The following SPACA7 variants were observed in gnomAD, a reference collection of about 807,000 sequenced individuals.
SPACA7 encodes the protein sperm acrosome associated 7.
Under a neutral mutation model 26.3 loss-of-function variants are expected in SPACA7, and 19 were observed. That is an observed-to-expected ratio of 0.72 (90% CI 0.50 to 1.06). The LOEUF (loss-of-function observed/expected upper bound fraction) is 1.06. Ranked by LOEUF, SPACA7 falls within the 50% of genes least tolerant of loss-of-function variation. The probability of loss-of-function intolerance (pLI) is 0.00; values close to 1 mark genes in which losing one functional copy is unlikely to be tolerated. For synonymous variants in SPACA7, 84 were observed against 84.5 expected (o/e 0.99, Z 0.04); for missense variants, 211 against 229.9 (o/e 0.92, Z 0.53).
intron 5 of SPACA7, among the ~76,000 whole-genome samples, chr13:112,415,092 C>T (rs980779556): frequency 5.3e-5 from 8 of 152,218 alleles, no homozygotes; most frequent in African/African-American, 1.9e-4. Context: ...ATACCCAGCT[C>T]TGATGCAGTT....
In SPACA7 at chr13:112,398,125, A is replaced by G. The variant is rs759049412; in HGVS notation, c.228A>G (p.Leu76=). Residue 76 remains leucine, a synonymous_variant, in exon 3 of 7, where the codon TTA becomes TTG. Coordinates refer to ENST00000283550, the MANE Select transcript of SPACA7 (RefSeq NM_145248.5). ...AAATGCCAAGTACAGCATCAACATT[A>G]TCAACACCGTTACGTAAGGAGAAAA... is the stretch of plus-strand genomic sequence containing the variant. ...PSEMPSTAST[L]STPLHAGIDE... 4.3e-6 allele frequency: 7 copies of G among 1,613,542 alleles called. No homozygotes were observed. Among genetic ancestry groups the G allele is most frequent in the Non-Finnish European group, 5.9e-6 (7 of 1,179,464 alleles).
At chr13:112,418,398 C>T (rs570946245) in intron 5 of SPACA7, among the ~76,000 whole-genome samples, 9 of 152,176 alleles carry the variant, frequency 5.9e-5, no homozygotes, top group South Asian at 2.1e-4. Flanking sequence ...AATAATGCTA[C>T]GACTGCTAAC....
At chr13:112,401,783 C>T (rs896448689) in intron 5 of SPACA7, among the ~76,000 whole-genome samples, 44 of 152,124 alleles carry the variant, frequency 2.9e-4, no homozygotes, top group Non-Finnish European at 6.0e-4. Flanking sequence ...GTGAGGTGTT[C>T]CTAATTTTAT....
In SPACA7 at chr13:112,432,535, A is replaced by G. The variant is rs905834259; in HGVS notation, c.523+14A>G. ...GAAGATCTTCAGGTAGATTGGAAAT[A>G]ATAGATAAGTGTCTTCTCATTTGGG... On this transcript the variant is annotated intron_variant, in intron 6 of 6. Transcript: ENST00000283550. 2 of 1,550,982 alleles carry G rather than the reference A, an allele frequency of 1.3e-6. No homozygotes were observed. Among genetic ancestry groups the G allele is most frequent in the East Asian group, 2.2e-5 (1 of 44,554 alleles).
At position 112,434,663 on chromosome 13, in the gene SPACA7, A is replaced by C. The variant is rs190673858; in HGVS notation, c.*114A>C. 1,945 of 810,792 alleles carry C rather than the reference A, an allele frequency of 2.4e-3. 3 individuals are homozygous for C. The highest frequency in any genetic ancestry group is 3.0e-3 in the Non-Finnish European group (1,490 of 502,686). 50.2% of individuals were successfully genotyped at this position (810,792 alleles called of 1,614,324 possible). On this transcript the variant is annotated 3_prime_UTR_variant, in exon 7 of 7. Coordinates refer to ENST00000283550, the MANE Select transcript of SPACA7 (RefSeq NM_145248.5). The stretch of plus-strand genomic sequence containing the variant: ...GCCCACGTTCTCTGAACCATTCCAC[A>C]TAAAGGAAAATCGTTTATTCACACG...
chr13:112,396,247 C>G (rs1312969062), intron 2 of SPACA7, among the ~76,000 whole-genome samples: 2 of 151,940 alleles, frequency 1.3e-5, no homozygotes, highest in African/African-American at 4.8e-5. Flanking sequence ...GTTGCAGAGA[C>G]AGCCCATCCA....
At chr13:112,395,353 G>T (rs1416995334) in intron 2 of SPACA7, among the ~76,000 whole-genome samples, 2 of 152,368 alleles carry the variant, frequency 1.3e-5, no homozygotes, top group East Asian at 3.9e-4. Context: ...CTGGTCCAGG[G>T]GTTGCGCTTC....
rs1885615849 is a variant in SPACA7, at chr13:112,401,170, T to C, written c.445+6T>C. On this transcript the variant is annotated splice_donor_region_variant and intron_variant, in intron 5 of 6. Coordinates refer to ENST00000283550, the MANE Select transcript of SPACA7 (RefSeq NM_145248.5). ...GAAGAGTGTTTCCAGTAAAGGTAAA[T>C]GTGCCCTGCCCACACTGAGAGCTCT... 6.2e-7 allele frequency: 1 copy of C among 1,609,746 alleles called. No homozygotes were observed. Among genetic ancestry groups the C allele is most frequent in the African/African-American group, 1.3e-5 (1 of 74,792 alleles).
chr13:112,432,297 G>A (rs901985454), intron 5 of SPACA7, 147 bp from the exon 6 acceptor site: 31 of 609,940 alleles, frequency 5.1e-5, no homozygotes, highest in Middle Eastern at 2.6e-4. Context: ...GCTGTGTCTC[G>A]AGAAGCTGCA....
intron 2 of SPACA7, among the ~76,000 whole-genome samples, chr13:112,397,761 C>A (rs1006486642): frequency 4.6e-5 from 7 of 152,220 alleles, no homozygotes; most frequent in African/African-American, 1.7e-4. Context: ...GACTTAGGAC[C>A]ACGTGTGGGC....
At position 112,413,748 on chromosome 13, in the gene SPACA7, C is replaced by CT. The variant is rs1405561468; in HGVS notation, c.445+12585dup. On this transcript the variant is annotated intron_variant, in intron 5 of 6. Transcript: ENST00000283550. ...GCCCTTTCTTGATTTCATAAGTGTT[C>CT]TGCATTGCTTTTTATTTTCCCCTCT... Among the ~76,000 whole-genome samples the CT allele has an allele frequency of 2.0e-5, 3 of 152,200 alleles. No individual in the cohort carries two copies. In the East Asian group the frequency reaches 5.8e-4, roughly 29 times the overall value.
At chr13:112,421,480 G>C (rs369306147) in intron 5 of SPACA7, among the ~76,000 whole-genome samples, 3 of 152,244 alleles carry the variant, frequency 2.0e-5, no homozygotes. Context: ...AGGGGAAAAA[G>C]AAATAAAGAA....
At chr13:112,414,331 A>C (rs1886540230) in intron 5 of SPACA7, among the ~76,000 whole-genome samples, 1 of 111,062 alleles carries the variant, frequency 9.0e-6, no homozygotes, top group African/African-American at 3.4e-5. Flanking sequence ...TATTATTGTT[A>C]TTATTTCAAT....
chr13:112,433,610 C>T lies in SPACA7; in HGVS notation c.524-875C>T, dbSNP rs570337479. The stretch of plus-strand genomic sequence containing the variant: ...GTTAAAATGCCGAAGAGGACGGTCC[C>T]GGGAAACGTCGCTGGAGACGACCTC... On this transcript the variant is annotated intron_variant, in intron 6 of 6. Transcript: ENST00000283550. Among the ~76,000 whole-genome samples, 13 of 149,938 alleles carry T rather than the reference C, an allele frequency of 8.7e-5. No homozygotes were observed. In the South Asian group the frequency reaches 2.8e-3, roughly 32 times the overall value.
chr13:112,426,016 T>C (rs888021555), intron 5 of SPACA7, among the ~76,000 whole-genome samples: 2 of 152,258 alleles, frequency 1.3e-5, no homozygotes, highest in African/African-American at 4.8e-5. Context: ...TCCCTAGGGC[T>C]GCCATACAAA....
chr13:112,384,472 T>C (rs547475144), intron 1 of SPACA7, among the ~76,000 whole-genome samples: 3 of 152,290 alleles, frequency 2.0e-5, no homozygotes, highest in South Asian at 2.1e-4. Context: ...GTTTCCTGTA[T>C]GGTTTTTATA....
intron 5 of SPACA7, among the ~76,000 whole-genome samples, chr13:112,408,827 C>A (rs1886160402): frequency 6.6e-6 from 1 of 152,138 alleles, no homozygotes; most frequent in Non-Finnish European, 1.5e-5. Flanking sequence ...CCCCATCAAG[C>A]TACCAATGAC....
At chr13:112,393,970 G>A (rs1193323976) in intron 2 of SPACA7, among the ~76,000 whole-genome samples, 9 of 138,660 alleles carry the variant, frequency 6.5e-5, no homozygotes, top group Non-Finnish European at 1.1e-4. Flanking sequence ...TGGCAACAGA[G>A]CGAGACTCTG....
chr13:112,430,174 C>CTCTGTGTGTGTGTG (rs1366577519), intron 5 of SPACA7, among the ~76,000 whole-genome samples: 35 of 134,312 alleles, frequency 2.6e-4, no homozygotes, highest in South Asian at 1.2e-3. Flanking sequence ...ATCTCTCTCT[C>CTCTGTGTGTGTGTG]TGTGTGTGTG....
Sources: allele counts gnomAD v4.1 joint callset (sites outside exome capture counted in the v4.1 genomes callset), GRCh38; gene constraint gnomAD v4.1.1; transcripts MANE v1.5; gene names NCBI Gene and HGNC (gene_info 2026-07-23, HGNC 2026-07-21).